The following FAM149A variants were observed in gnomAD, a reference collection of about 807,000 sequenced individuals.
FAM149A encodes family with sequence similarity 149 member A.
In FAM149A, 71 loss-of-function variants were observed where a neutral mutation model predicts 78.2. That is an observed-to-expected ratio of 0.91 (90% CI 0.75 to 1.11). FAM149A has a LOEUF of 1.11. FAM149A is among the 50% of genes least tolerant of loss of function. The pLI, the probability that FAM149A is intolerant of heterozygous loss-of-function variation, is 0.00. For synonymous variants in FAM149A, 446 were observed against 410.5 expected (o/e 1.09, Z -1.04); for missense variants, 1,036 against 971.0 (o/e 1.07, Z -0.89).
intron 1 of FAM149A, among the ~76,000 whole-genome samples, chr4:186,141,672 G>T (rs189694893): frequency 6.6e-6 from 1 of 152,178 alleles, no homozygotes; most frequent in Non-Finnish European, 1.5e-5. Context: ...GACCATCACA[G>T]TCTCTCTGGG....
intron 1 of FAM149A, chr4:186,126,103 T>C (rs2099318213): frequency 1.0e-6 from 1 of 985,358 alleles, no homozygotes; most frequent in Non-Finnish European, 1.2e-6. Context: ...TTGAAAATTA[T>C]TTCCACAAAA....
At chr4:186,167,508 A>C (rs1171234400) in intron 13 of FAM149A, 13 of 310,432 alleles carry the variant, frequency 4.2e-5, no homozygotes, top group South Asian at 1.2e-4. Flanking sequence ...TGGGGGCCTC[A>C]CTCAAAAAAA....
In FAM149A at chr4:186,172,129, C is replaced by T. The variant is rs1735588008; in HGVS notation, c.*142C>T. 7 of 1,276,388 alleles carry T rather than the reference C, an allele frequency of 5.5e-6. No individual in the cohort carries two copies. Among genetic ancestry groups the T allele is most frequent in the African/African-American group, 1.5e-5 (1 of 64,984 alleles). 79.1% of individuals were successfully genotyped at this position (1,276,388 alleles called of 1,614,324 possible). ...CCGAGAGAAAAGCAAACAAATAAAT[C>T]ACTTAATCTTGAACACTTTGCACTG... On this transcript the variant is annotated 3_prime_UTR_variant, in exon 14 of 14. Transcript: ENST00000389354.
At chr4:186,124,917 C>T (rs2126313938) in intron 1 of FAM149A, among the ~76,000 whole-genome samples, 1 of 152,300 alleles carries the variant, frequency 6.6e-6, no homozygotes, top group Admixed American at 6.5e-5. Context: ...ACATCCTCTC[C>T]AGCACCTGTT....
rs1372086314 is a variant in FAM149A at position 186,172,146 on chromosome 4, T to C, written c.*159T>C. The C allele has an allele frequency of 8.8e-7, 1 of 1,140,176 alleles. No individual in the cohort carries two copies. Among genetic ancestry groups the C allele is most frequent in the East Asian group, 3.0e-5 (1 of 33,490 alleles). The allele number at this position is 1,140,176 out of a possible 1,614,324, so 70.6% of individuals were successfully genotyped here. ...AAATAAATCACTTAATCTTGAACACTTTGCACTGTAAAGAGAGTGAAAGTC... is the reference window on the plus strand; with the variant it reads ...AAATAAATCACTTAATCTTGAACACCTTGCACTGTAAAGAGAGTGAAAGTC... On this transcript the variant is annotated 3_prime_UTR_variant, in exon 14 of 14. Coordinates refer to ENST00000389354, the MANE Select transcript of FAM149A (RefSeq NM_001367768.3).
intron 7 of FAM149A, among the ~76,000 whole-genome samples, chr4:186,156,793 C>G (rs10021027): frequency 0.89 from 135,343 of 152,146 alleles, 60,312 homozygotes; most frequent in African/African-American, 0.94. Context: ...AACATAGTAA[C>G]ACCCTGTCTT....
At chr4:186,151,644 A>G (rs1733596447) in intron 3 of FAM149A, 1 of 818,736 alleles carries the variant, frequency 1.2e-6, no homozygotes, top group African/African-American at 1.9e-5. Flanking sequence ...ATCTATGCAA[A>G]TTCTTGAGTC....
At chr4:186,123,564 G>A (rs901781477) in intron 1 of FAM149A, among the ~76,000 whole-genome samples, 4 of 152,236 alleles carry the variant, frequency 2.6e-5, no homozygotes, top group African/African-American at 7.2e-5. Flanking sequence ...CTGCTATGGA[G>A]CAGCTGGTTT....
rs952953415 is a variant in FAM149A at position 186,163,368 on chromosome 4, C to T, written c.1680-56C>T. The T allele has an allele frequency of 5.6e-5, 79 of 1,400,852 alleles. No homozygotes were observed. In the South Asian group the frequency reaches 6.8e-4, roughly 12 times the overall value. The allele number at this position is 1,400,852 out of a possible 1,614,324, so 86.8% of individuals were successfully genotyped here. On this transcript the variant is annotated intron_variant, in intron 9 of 13. Coordinates refer to ENST00000389354, the MANE Select transcript of FAM149A (RefSeq NM_001367768.3). The stretch of plus-strand genomic sequence containing the variant: ...GTGCTCAACTAAGCACAGACAGGTG[C>T]GTTCCCTGTTATCACAGCACTCGCA...
chr4:186,143,149 C>CTTTTT (rs141403092), intron 1 of FAM149A, among the ~76,000 whole-genome samples: 1 of 85,024 alleles, frequency 1.2e-5, no homozygotes, highest in Non-Finnish European at 2.4e-5. Context: ...TCGATTTTTA[C>CTTTTT]TTTTTTTTTT....
chr4:186,133,051 A>C, intron 1 of FAM149A: 1 of 985,354 alleles, frequency 1.0e-6, no homozygotes, highest in Non-Finnish European at 1.2e-6. Flanking sequence ...AATGTGAGTA[A>C]AGGCTTCTGA....
chr4:186,148,623 T>G (rs907704091), intron 1 of FAM149A, among the ~76,000 whole-genome samples: 3 of 152,232 alleles, frequency 2.0e-5, no homozygotes, highest in Non-Finnish European at 2.9e-5. Flanking sequence ...CTTCATTAAA[T>G]TTTAATATCT....
intron 13 of FAM149A, chr4:186,169,646 G>A (rs1464306080): frequency 1.0e-6 from 1 of 985,284 alleles, no homozygotes; most frequent in African/African-American, 1.7e-5. Context: ...AAACCAGAGT[G>A]GATTCATGGT....
intron 8 of FAM149A, among the ~76,000 whole-genome samples, chr4:186,159,588 C>G (rs1335529559): frequency 6.6e-6 from 1 of 151,158 alleles, no homozygotes; most frequent in East Asian, 1.9e-4. Flanking sequence ...CTTTAGTGTC[C>G]TTAGCTTATA....
intron 13 of FAM149A, chr4:186,169,880 G>A: frequency 1.0e-6 from 1 of 985,390 alleles, no homozygotes; most frequent in Non-Finnish European, 1.2e-6. Flanking sequence ...AGAGCTATTA[G>A]AAGAGAGAAT....
chr4:186,125,205 C>T, intron 1 of FAM149A: 8 of 966,356 alleles, frequency 8.3e-6, no homozygotes, highest in Non-Finnish European at 9.8e-6. Flanking sequence ...ATCTCACAAA[C>T]CTTTTCCTTT....
Position 186,144,999 on chromosome 4 carries a change from G to T in FAM149A, c.567-4174G>T. 1 of 981,304 alleles carries T rather than the reference G, an allele frequency of 1.0e-6. No individual in the cohort carries two copies. Among genetic ancestry groups the T allele is most frequent in the South Asian group, 4.7e-5 (1 of 21,310 alleles). 60.8% of individuals were successfully genotyped at this position (981,304 alleles called of 1,614,324 possible). A position where few individuals can be genotyped will look rare whatever the true frequency, so the allele number is the denominator to read the frequency against. ...CAGCCCCGGGGCCGCGGGGGCGCGT[G>T]ACCGGCTGTCTGCGTGGGGCCCGCG... is the stretch of plus-strand genomic sequence containing the variant. On this transcript the variant is annotated intron_variant, in intron 1 of 13. Coordinates refer to ENST00000389354, the MANE Select transcript of FAM149A (RefSeq NM_001367768.3). The surrounding 1 kb of genome is among the most constrained non-coding windows in gnomAD (Gnocchi z 4.2).
At chr4:186,109,154 T>C (rs957124382) in intron 1 of FAM149A, 39 of 985,286 alleles carry the variant, frequency 4.0e-5, no homozygotes, top group Admixed American at 6.1e-5. Flanking sequence ...GCCGGTCTTA[T>C]TCTCTTATTT....
At chr4:186,154,278 TA>T (rs1733854414) in intron 5 of FAM149A, among the ~76,000 whole-genome samples, 189 bp from the exon 6 acceptor site, 1 of 152,226 alleles carries the variant, frequency 6.6e-6, no homozygotes, top group Admixed American at 6.5e-5. Context: ...AAGAAGCCCT[TA>T]AAATGTTTAA....
Sources: gnomAD v4.1 joint callset for allele counts (sites outside exome capture counted in the v4.1 genomes callset) on GRCh38, gnomAD v4.1.1 for gene constraint, Gnocchi (gnomAD v3.1) non-coding constraint, MANE v1.5 for transcripts, NCBI Gene and HGNC (gene_info 2026-07-23, HGNC 2026-07-21) for gene names.